The following BIRC2 variants were observed in gnomAD, a reference collection of about 807,000 sequenced individuals.
BIRC2 encodes the protein baculoviral IAP repeat-containing protein 2.
Under a neutral mutation model 60.9 loss-of-function variants are expected in BIRC2, and 18 were observed. That is an observed-to-expected ratio of 0.30 (90% confidence interval 0.20 to 0.44). BIRC2 has a LOEUF of 0.44. BIRC2 is among the 20% of genes least tolerant of loss of function. The pLI is 1.00. For synonymous variants in BIRC2, 282 were observed against 247.7 expected (o/e 1.14, Z -1.30); for missense variants, 701 against 728.5 (o/e 0.96, Z 0.43).
At position 102,349,981 on chromosome 11, in the gene BIRC2, T is replaced by C; in HGVS notation, c.127T>C (p.Phe43Leu). 1 of 1,614,184 alleles carries C rather than the reference T, an allele frequency of 6.2e-7. No individual in the cohort carries two copies. Among genetic ancestry groups the C allele is most frequent in the Non-Finnish European group, 8.5e-7 (1 of 1,180,016 alleles). ...NSNKQKMKYD[F>L]SCELYRMSTY... is the part of the protein sequence containing the mutation. Reference sequence around the variant, plus strand: ...CAACAAACAAAAAATGAAGTATGACTTTTCCTGTGAACTCTACAGAATGTC... The same window carrying C: ...CAACAAACAAAAAATGAAGTATGACCTTTCCTGTGAACTCTACAGAATGTC... Residue 43 changes from phenylalanine to leucine, a missense_variant, in exon 2 of 9, where the codon TTT (phenylalanine) becomes CTT (leucine). Around this residue, in one of 4 missense-constraint regions of BIRC2, gnomAD observed 375 missense variants for 365.9 expected, o/e 1.02. Coordinates refer to ENST00000227758, the MANE Select transcript of BIRC2 (RefSeq NM_001166.5).
At chr11:102,366,520 C>G (rs1231351912) in intron 5 of BIRC2, among the ~76,000 whole-genome samples, 1 of 152,118 alleles carries the variant, frequency 6.6e-6, no homozygotes, top group African/African-American at 2.4e-5. Context: ...GCGCCCACCA[C>G]CACGCCCGGC....
intron 3 of BIRC2, among the ~76,000 whole-genome samples, chr11:102,358,200 G>A (rs1018630771): frequency 2.6e-5 from 4 of 152,184 alleles, no homozygotes; most frequent in African/African-American, 9.6e-5. Flanking sequence ...AGAAGAATGT[G>A]TATTATCTGC....
chr11:102,369,960 C>T lies in BIRC2; in HGVS notation c.1366+1412C>T, dbSNP rs937790102. Among the ~76,000 whole-genome samples the T allele has an allele frequency of 5.9e-3, 899 of 152,134 alleles. 2 individuals are homozygous for T. Among genetic ancestry groups the T allele is most frequent in the Non-Finnish European group, 9.9e-3 (676 of 68,000 alleles). ...ATGTGTTTTTTGGCTGCATAAATGT[C>T]TTCTTTTGAGAAGTGCCTGTTCATG... is the stretch of plus-strand genomic sequence containing the variant. On this transcript the variant is annotated intron_variant, in intron 6 of 8. Coordinates refer to ENST00000227758, the MANE Select transcript of BIRC2 (RefSeq NM_001166.5).
At chr11:102,364,245 G>A (rs1951527543) in intron 5 of BIRC2, among the ~76,000 whole-genome samples, 1 of 145,442 alleles carries the variant, frequency 6.9e-6, no homozygotes, top group Admixed American at 6.9e-5. Flanking sequence ...GACCCTAAAA[G>A]TGTACTAGTT....
At chr11:102,367,756 T>C (rs1396096157) in intron 5 of BIRC2, among the ~76,000 whole-genome samples, 2 of 152,212 alleles carry the variant, frequency 1.3e-5, no homozygotes, top group Non-Finnish European at 2.9e-5. Flanking sequence ...AGCCATACTT[T>C]TTCACTACAT....
intron 1 of BIRC2, 141 bp from the exon 2 acceptor site, chr11:102,348,454 AGTT>A (rs1356531525): frequency 1.3e-5 from 2 of 157,786 alleles, no homozygotes; most frequent in Non-Finnish European, 2.8e-5. Context: ...TCATTTAGAA[AGTT>A]GTGACAAATT....
chr11:102,354,313 G>C (rs954962514), intron 3 of BIRC2, among the ~76,000 whole-genome samples: 2 of 152,124 alleles, frequency 1.3e-5, no homozygotes. Flanking sequence ...GGCTTCAAGC[G>C]ATTCTCCTGC....
intron 6 of BIRC2, among the ~76,000 whole-genome samples, chr11:102,376,439 A>G (rs1295565099): frequency 2.0e-5 from 3 of 152,254 alleles, no homozygotes; most frequent in African/African-American, 7.2e-5. Context: ...TTAATAGAGC[A>G]GTTCACTTCT....
Position 102,377,712 on chromosome 11 carries a change from T to C in BIRC2, c.1583T>C (p.Leu528Pro). 1.2e-6 allele frequency: 2 copies of C among 1,607,138 alleles called. No individual in the cohort carries two copies. Among genetic ancestry groups the C allele is most frequent in the Non-Finnish European group, 8.5e-7 (1 of 1,178,524 alleles). ...NAAANIFKNC[L>P]KEIDSTLYKN... ...GCGGCCAACATCTTCAAAAACTGTC[T>C]AAAAGAAATTGACTCTACATTGTAT... The change falls in exon 7 of 9, where the codon CTA becomes CCA. Residue 528 changes from leucine to proline, a missense_variant. By Grantham distance (98) the Leu-to-Pro change is moderately conservative (BLOSUM62 -3). This residue lies in a region of BIRC2 where 235 missense variants were observed against 208.9 expected (regional missense o/e 1.12). Transcript: ENST00000227758.
intron 5 of BIRC2, among the ~76,000 whole-genome samples, chr11:102,364,196 G>C (rs1352653049): frequency 6.8e-5 from 9 of 131,918 alleles, no homozygotes; most frequent in South Asian, 2.6e-4. Context: ...CAGAGAGAGA[G>C]AGAGAGAGAG....
At chr11:102,360,812 G>T (rs2135811886) in intron 3 of BIRC2, among the ~76,000 whole-genome samples, 2 of 141,086 alleles carry the variant, frequency 1.4e-5, no homozygotes, top group East Asian at 2.1e-4. Flanking sequence ...AAAGATCTTT[G>T]CCTGTGGGTG....
At chr11:102,360,784 G>GTTTTTTTTTTTGT (rs1951477042) in intron 3 of BIRC2, among the ~76,000 whole-genome samples, 1 of 129,346 alleles carries the variant, frequency 7.7e-6, no homozygotes, top group Non-Finnish European at 1.7e-5. Context: ...TGTTTTTTTT[G>GTTTTTTTTTTTGT]TTTTTTTTTT....
At chr11:102,357,498 A>G (rs1951436438) in intron 3 of BIRC2, among the ~76,000 whole-genome samples, 1 of 151,894 alleles carries the variant, frequency 6.6e-6, no homozygotes, top group African/African-American at 2.4e-5. Flanking sequence ...CAGATCTTCT[A>G]TTTCTTCTTT....
intron 6 of BIRC2, among the ~76,000 whole-genome samples, chr11:102,373,961 G>A (rs1202553664): frequency 1.4e-5 from 2 of 140,940 alleles, no homozygotes; most frequent in African/African-American, 2.7e-5. Context: ...TGATCGCATC[G>A]GCTCCTGAGG....
At chr11:102,356,519 G>C (rs1275852) in intron 3 of BIRC2, among the ~76,000 whole-genome samples, 1 of 151,354 alleles carries the variant, frequency 6.6e-6, no homozygotes, top group Non-Finnish European at 1.5e-5. Flanking sequence ...TCATTATCGA[G>C]TATGATGTTA....
At chr11:102,376,156 A>G (rs1951711159) in intron 6 of BIRC2, among the ~76,000 whole-genome samples, 1 of 152,224 alleles carries the variant, frequency 6.6e-6, no homozygotes, top group Non-Finnish European at 1.5e-5. Context: ...GTATTGAATT[A>G]CAGATTTGGC....
intron 4 of BIRC2, among the ~76,000 whole-genome samples, chr11:102,363,445 A>T (rs566532678): frequency 6.6e-6 from 1 of 152,322 alleles, no homozygotes; most frequent in Non-Finnish European, 1.5e-5. Flanking sequence ...ACATTTTTCT[A>T]CTTTCCTGAA....
intron 1 of BIRC2, 31 bp downstream of exon 1, chr11:102,347,407 C>G (rs1050631750): frequency 9.5e-5 from 14 of 148,100 alleles, no homozygotes; most frequent in African/African-American, 2.9e-4. Flanking sequence ...GCTCGGGCGG[C>G]GTGGGGCGGG....
intron 1 of BIRC2, chr11:102,348,184 C>T (rs929456394): frequency 2.6e-5 from 4 of 152,220 alleles, no homozygotes; most frequent in East Asian, 3.8e-4. Flanking sequence ...ATATTACAAA[C>T]TAACGTTGCT....
Sources: gnomAD v4.1 joint callset for allele counts (sites outside exome capture counted in the v4.1 genomes callset) on GRCh38, gnomAD v4.1.1 for gene constraint, gnomAD v4.1.1 regional missense constraint, MANE v1.5 for transcripts, NCBI Gene and HGNC (gene_info 2026-07-23, HGNC 2026-07-21) for gene names.